Variants in HMCN1 observed in about 807,000 individuals in gnomAD.
HMCN1 encodes hemicentin 1.
A neutral mutation model predicts 625.9 loss-of-function variants in HMCN1; 321 were observed. The ratio of observed to expected loss-of-function variants is 0.51; its 90% CI spans 0.47 to 0.56. The LOEUF is 0.56. HMCN1 is among the 20% of genes least tolerant of loss of function. The pLI, the probability that HMCN1 is intolerant of heterozygous loss-of-function variation, is 0.00. For missense variants in HMCN1, 6,588 were observed against 6,887.3 expected, an observed-to-expected ratio of 0.96 and a Z score of 1.54; for synonymous variants, 2,425 against 2,417.6, an observed-to-expected ratio of 1.00 and a Z score of -0.09.
intron 6 of HMCN1, among the ~76,000 whole-genome samples, chr1:185,919,036 A>C (rs893035896): frequency 4.6e-5 from 7 of 151,256 alleles, no homozygotes; most frequent in Admixed American, 1.3e-4. Context: ...AAATAGAAAG[A>C]CATTAAGATA....
At chr1:186,181,077 G>T (rs999034169) in intron 104 of HMCN1, among the ~76,000 whole-genome samples, 7 of 152,112 alleles carry the variant, frequency 4.6e-5, no homozygotes, top group African/African-American at 1.7e-4. Context: ...CACACTTGGG[G>T]GTAGTGTAAA....
intron 4 of HMCN1, among the ~76,000 whole-genome samples, chr1:185,869,067 A>T (rs1571474718): frequency 6.6e-6 from 1 of 152,298 alleles, no homozygotes; most frequent in Admixed American, 6.5e-5. Context: ...GCAGGAAAGG[A>T]TGTTTCACTT....
In HMCN1 at chr1:186,088,245, G is replaced by A. The variant is rs140049629; in HGVS notation, c.9546G>A (p.Thr3182=). 1.8e-3 allele frequency: 2,915 copies of A among 1,612,780 alleles called. 13 individuals carry two copies. Among genetic ancestry groups the A allele is most frequent in the Middle Eastern group, 8.9e-3 (54 of 6,054 alleles). ...ATGCCACTGGGATCCCACCTCCCAC[G>A]ATAGCATGGTTAAAGAACCACAAGC... ...TCDATGIPPP[T]IAWLKNHKRI... is the part of the protein sequence containing the mutation. The change falls in exon 62 of 107, where the codon ACG becomes ACA. Residue 3182 remains threonine, a synonymous_variant. Transcript: ENST00000271588.
At chr1:185,922,346 C>CAGTA in intron 6 of HMCN1, 33 bp from the exon 7 acceptor site, 1 of 1,611,990 alleles carries the variant, frequency 6.2e-7, no homozygotes, top group Non-Finnish European at 8.5e-7. Context: ...ACTGGATCAA[C>CAGTA]TGCTGACCAG....
chr1:185,783,161 G>A (rs182744899), intron 1 of HMCN1, among the ~76,000 whole-genome samples: 206 of 152,082 alleles, frequency 1.4e-3, no homozygotes, highest in African/African-American at 4.5e-3. Flanking sequence ...TTGTGCATTC[G>A]TCACGTAGTT....
In HMCN1 at chr1:185,923,390, G is replaced by A; in HGVS notation, c.1022G>A (p.Gly341Glu). Residue 341 changes from glycine to glutamate, a missense_variant and splice_region_variant, in exon 8 of 107, where the codon GGA becomes GAA. By Grantham distance (98) the Gly-to-Glu change is moderately conservative (BLOSUM62 -2). This residue lies in a region of HMCN1 where 4,628 missense variants were observed against 4,853.1 expected (regional missense o/e 0.95). Transcript: ENST00000271588. ...FKKTVSRPVQ[G>E]IPTYVLLNTS... ...TGATAACAAAATCTTTCTCTTGTAGGAATACCTACCTATGTACTGCTCAAT... is the reference window on the plus strand; with the variant it reads ...TGATAACAAAATCTTTCTCTTGTAGAAATACCTACCTATGTACTGCTCAAT... 6 of 1,606,478 alleles carry A rather than the reference G, an allele frequency of 3.7e-6. No homozygotes were observed. Among genetic ancestry groups the A allele is most frequent in the Non-Finnish European group, 5.1e-6 (6 of 1,174,570 alleles).
At chr1:185,808,174 T>C (rs1167013829) in intron 1 of HMCN1, among the ~76,000 whole-genome samples, 1 of 151,860 alleles carries the variant, frequency 6.6e-6, no homozygotes, top group Non-Finnish European at 1.5e-5. Flanking sequence ...GGCGAAACGC[T>C]GTCTTTATTA....
In HMCN1 at chr1:186,114,857, C is replaced by T. The variant is rs1202260835; in HGVS notation, c.11315C>T (p.Ser3772Leu). Residue 3772 changes from serine (S) to leucine (L), a missense_variant, in exon 74 of 107, where the codon TCA becomes TTA. Around this residue, in one of 3 missense-constraint regions of HMCN1, gnomAD observed 4,628 missense variants for 4,853.1 expected, o/e 0.95. Coordinates refer to ENST00000271588, the MANE Select transcript of HMCN1 (RefSeq NM_031935.3). ...ILENGFLHIQ[S>L]AHVTDTGRYL... is the part of the protein sequence containing the mutation. The stretch of plus-strand genomic sequence containing the variant: ...GAAAATGGATTCCTTCATATTCAAT[C>T]AGCACATGTCACTGACACTGGACGG... The T allele has an allele frequency of 2.5e-5, 41 of 1,613,922 alleles. No individual in the cohort carries two copies. Among genetic ancestry groups the T allele is most frequent in the Non-Finnish European group, 5.9e-6 (7 of 1,179,900 alleles).
chr1:186,030,308 T>C (rs1485192776), intron 36 of HMCN1, among the ~76,000 whole-genome samples: 1 of 152,094 alleles, frequency 6.6e-6, no homozygotes, highest in Non-Finnish European at 1.5e-5. Flanking sequence ...ACTTTTATAG[T>C]TTTATTGTCT....
chr1:186,173,640 C>CAAAAAAAAAAAAA (rs762258823), intron 102 of HMCN1, among the ~76,000 whole-genome samples: 17 of 74,574 alleles, frequency 2.3e-4, no homozygotes, highest in African/African-American at 3.0e-4. Context: ...GACTCCATCT[C>CAAAAAAAAAAAAA]AAAAAAAAAA....
At chr1:185,904,577 C>T (rs536738617) in intron 4 of HMCN1, among the ~76,000 whole-genome samples, 1 of 151,834 alleles carries the variant, frequency 6.6e-6, no homozygotes, top group South Asian at 2.1e-4. Context: ...TGAAAATTGT[C>T]ATTTTTTTCC....
chr1:185,887,966 C>G (rs1266163679), intron 4 of HMCN1, among the ~76,000 whole-genome samples: 2 of 139,804 alleles, frequency 1.4e-5, no homozygotes, highest in South Asian at 4.6e-4. Context: ...CTCTCCAGCA[C>G]CTGTTGTTTC....
intron 73 of HMCN1, 66 bp downstream of exon 73, chr1:186,114,189 T>C: frequency 6.5e-7 from 1 of 1,542,032 alleles, no homozygotes; most frequent in East Asian, 2.3e-5. Flanking sequence ...TTTTTTTTCC[T>C]AGTGCACTAT....
intron 11 of HMCN1, among the ~76,000 whole-genome samples, chr1:185,944,229 A>G (rs1253749201): frequency 2.6e-5 from 4 of 152,114 alleles, no homozygotes; most frequent in Non-Finnish European, 5.9e-5. Flanking sequence ...CTTACCAAAA[A>G]CCCTATGTTC....
At chr1:185,984,461 T>TC in intron 19 of HMCN1, 148 bp downstream of exon 19, 5 of 875,424 alleles carry the variant, frequency 5.7e-6, no homozygotes, top group Non-Finnish European at 5.5e-6. Context: ...TCTACATTGT[T>TC]AATGTTGTTT....
intron 1 of HMCN1, among the ~76,000 whole-genome samples, chr1:185,792,236 G>T (rs978908527): frequency 4.6e-5 from 7 of 152,106 alleles, no homozygotes; most frequent in Non-Finnish European, 1.0e-4. Flanking sequence ...TACTTGAATG[G>T]ACCACATAGC....
At chr1:185,838,844 G>A (rs1268049053) in intron 1 of HMCN1, among the ~76,000 whole-genome samples, 2 of 152,130 alleles carry the variant, frequency 1.3e-5, no homozygotes, top group African/African-American at 4.8e-5. Flanking sequence ...CTGACAATTT[G>A]AACTCTGCTA....
In HMCN1 at chr1:186,115,293, A is replaced by G. The variant is rs1421603002; in HGVS notation, c.11440A>G (p.Thr3814Ala). ...PSIAPGPTNM[T>A]VIVNVQTTLA... is the part of the protein sequence containing the mutation. ...TATTGCTCCGGGTCCTACCAACATG[A>G]CTGTAATAGTAAATGTTCAAACTAC... The change falls in exon 75 of 107, where the codon ACT (threonine) becomes GCT (alanine). Residue 3814 changes from threonine (T) to alanine (A), a missense_variant. Physicochemically the swap from Thr to Ala is moderately conservative, Grantham distance 58. Around this residue, in one of 3 missense-constraint regions of HMCN1, gnomAD observed 4,628 missense variants for 4,853.1 expected, o/e 0.95. Coordinates refer to ENST00000271588, the MANE Select transcript of HMCN1 (RefSeq NM_031935.3). The G allele has an allele frequency of 1.2e-6, 2 of 1,614,026 alleles. No homozygotes were observed. Among genetic ancestry groups the G allele is most frequent in the Admixed American group, 1.7e-5 (1 of 60,020 alleles).
intron 41 of HMCN1, among the ~76,000 whole-genome samples, chr1:186,046,077 A>C (rs892771938): frequency 8.5e-5 from 13 of 152,200 alleles, no homozygotes; most frequent in Middle Eastern, 3.4e-3. Flanking sequence ...AAATGATCCC[A>C]AAAAAATGCT....
Sources: gnomAD v4.1 joint callset for allele counts (sites outside exome capture counted in the v4.1 genomes callset) on GRCh38, gnomAD v4.1.1 for gene constraint, gnomAD v4.1.1 regional missense constraint, MANE v1.5 for transcripts, NCBI Gene and HGNC (gene_info 2026-07-23, HGNC 2026-07-21) for gene names.